The following RGS6 variants were observed in gnomAD, a reference collection of about 807,000 sequenced individuals.
The protein encoded by RGS6 is regulator of G protein signaling 6.
Under a neutral mutation model 78.5 loss-of-function variants are expected in RGS6, and 30 were observed. That is an observed-to-expected ratio of 0.38 (90% CI 0.29 to 0.52). RGS6 has a LOEUF of 0.52. Among genes scored for constraint, RGS6 ranks in the 20% least tolerant of loss-of-function variants. RGS6 has a pLI of 0.85. For synonymous variants in RGS6, 206 were observed against 206.0 expected (o/e 1.00, Z 0.00); for missense variants, 495 against 609.7 (o/e 0.81, Z 1.98).
chr14:72,082,127 A>G (rs1377930845), intron 2 of RGS6, among the ~76,000 whole-genome samples: 1 of 152,002 alleles, frequency 6.6e-6, no homozygotes. Flanking sequence ...TCTAGGGGCT[A>G]TTTGGGGTCT....
At chr14:72,037,657 T>C (rs2091905902) in intron 2 of RGS6, among the ~76,000 whole-genome samples, 1 of 152,054 alleles carries the variant, frequency 6.6e-6, no homozygotes, top group Admixed American at 6.6e-5. Context: ...CTTTCTCTGA[T>C]GAATTGCCTC....
At chr14:72,622,764 A>G in the RGS6 span, among the ~76,000 whole-genome samples, 47,597 of 151,876 alleles carry the variant, frequency 0.31, 8,714 homozygotes, top group East Asian at 0.68. Context: ...CTATTACTAC[A>G]GTTCCAGCAG....
intron 2 of RGS6, among the ~76,000 whole-genome samples, chr14:72,269,955 C>T (rs1003716608): frequency 2.6e-5 from 4 of 152,254 alleles, no homozygotes; most frequent in African/African-American, 7.2e-5. Context: ...TTAAAAATAG[C>T]ATATATGTCC....
intron 2 of RGS6, among the ~76,000 whole-genome samples, chr14:72,136,725 T>G (rs1335136357): frequency 1.3e-5 from 2 of 152,146 alleles, no homozygotes; most frequent in Non-Finnish European, 2.9e-5. Context: ...TATCAAAACT[T>G]AATCAAAAAT....
Position 72,279,512 on chromosome 14 carries a change from A to T in RGS6, c.85-72583A>T, listed in dbSNP as rs80352116. On this transcript the variant is annotated intron_variant, in intron 2 of 17. Coordinates refer to ENST00000553525, the MANE Select transcript of RGS6 (RefSeq NM_001204424.2). Reference sequence around the variant, plus strand: ...TGGCCTACTCTGCTCAGAAATATATAAGGCAGGAGATTCTGAGAAATCTAG... The same window carrying T: ...TGGCCTACTCTGCTCAGAAATATATTAGGCAGGAGATTCTGAGAAATCTAG... 6.8e-3 allele frequency among the ~76,000 whole-genome samples: 1,043 copies of T among 152,274 alleles called. 16 individuals carry two copies. The highest frequency in any genetic ancestry group is 0.024 in the African/African-American group (1,000 of 41,552).
chr14:72,094,875 G>T (rs2153510688), intron 2 of RGS6, among the ~76,000 whole-genome samples: 1 of 152,186 alleles, frequency 6.6e-6, no homozygotes, highest in South Asian at 2.1e-4. Context: ...ATATTCCAAA[G>T]GCAAGACTAT....
At chr14:72,525,883 T>C (rs1177864773) in intron 15 of RGS6, among the ~76,000 whole-genome samples, 1 of 152,168 alleles carries the variant, frequency 6.6e-6, no homozygotes, top group Non-Finnish European at 1.5e-5. Flanking sequence ...GGTTTTATTT[T>C]TGGGAGATGA....
chr14:72,243,950 C>CT (rs1198683863), intron 2 of RGS6, among the ~76,000 whole-genome samples: 1 of 152,172 alleles, frequency 6.6e-6, no homozygotes, highest in Non-Finnish European at 1.5e-5. Context: ...TAGAGCTTTA[C>CT]TTTGAATTCT....
At chr14:72,472,255 C>G (rs537016948) in intron 8 of RGS6, among the ~76,000 whole-genome samples, 1 of 152,150 alleles carries the variant, frequency 6.6e-6, no homozygotes, top group African/African-American at 2.4e-5. Flanking sequence ...TTGTCACCTG[C>G]AATTTCCCTC....
intron 2 of RGS6, among the ~76,000 whole-genome samples, chr14:72,347,928 G>T (rs2078366819): frequency 2.0e-5 from 3 of 152,198 alleles, no homozygotes; most frequent in African/African-American, 4.8e-5. Context: ...GTGGCACTGA[G>T]ACTAAAAGCT....
At chr14:72,412,708 G>A (rs1195013756) in intron 3 of RGS6, among the ~76,000 whole-genome samples, 1 of 152,130 alleles carries the variant, frequency 6.6e-6, no homozygotes, top group Non-Finnish European at 1.5e-5. Flanking sequence ...GGCATTTAGT[G>A]CTATAAATTT....
intron 2 of RGS6, among the ~76,000 whole-genome samples, chr14:72,000,441 G>A (rs907089424): frequency 2.0e-5 from 3 of 152,180 alleles, no homozygotes; most frequent in African/African-American, 4.8e-5. Context: ...GGGCAGAAAC[G>A]GAAATATGGA....
intron 2 of RGS6, among the ~76,000 whole-genome samples, chr14:72,302,151 C>T (rs1446107783): frequency 6.6e-6 from 1 of 152,218 alleles, no homozygotes; most frequent in Non-Finnish European, 1.5e-5. Flanking sequence ...GTGATACTTG[C>T]TCTCCTATGT....
At position 72,454,528 on chromosome 14, in the gene RGS6, G is replaced by T; in HGVS notation, c.185G>T (p.Gly62Val). 3 of 1,614,056 alleles carry T rather than the reference G, an allele frequency of 1.9e-6. No homozygotes were observed. The highest frequency in any genetic ancestry group is 2.5e-6 in the Non-Finnish European group (3 of 1,179,960). Residue 62 changes from glycine to valine, a missense_variant and splice_region_variant, in exon 4 of 18, where the codon GGT becomes GTT. Coordinates refer to ENST00000553525, the MANE Select transcript of RGS6 (RefSeq NM_001204424.2). ...FLSKIPSVVT[G>V]TDIVQWLMKN... is the part of the protein sequence containing the mutation. ...AGCTGAAATTGCTTTATCGTTGCAGGTACTGACATTGTGCAGTGGCTTATG... is the reference window on the plus strand; with the variant it reads ...AGCTGAAATTGCTTTATCGTTGCAGTTACTGACATTGTGCAGTGGCTTATG...
the RGS6 span, among the ~76,000 whole-genome samples, chr14:72,602,643 T>G: frequency 6.6e-6 from 1 of 152,262 alleles, no homozygotes; most frequent in Non-Finnish European, 1.5e-5. Flanking sequence ...TAGAGCCCAG[T>G]GACTTTTGTA....
At chr14:72,264,755 C>T (rs149257142) in intron 2 of RGS6, among the ~76,000 whole-genome samples, 18 of 152,344 alleles carry the variant, frequency 1.2e-4, no homozygotes, top group African/African-American at 4.3e-4. Context: ...TCCTGGGTCT[C>T]TCCCAGGGAC....
chr14:72,203,813 CTTTCTTTCTTTTT>C (rs1189285861), intron 2 of RGS6, among the ~76,000 whole-genome samples: 27 of 120,590 alleles, frequency 2.2e-4, no homozygotes, highest in African/African-American at 8.4e-4. Flanking sequence ...TGTAACCTTT[CTTTCTTTCTTTTT>C]TTTTTTTTTT....
intron 17 of RGS6, chr14:72,540,844 C>T: frequency 2.0e-6 from 2 of 985,356 alleles, no homozygotes; most frequent in Non-Finnish European, 2.4e-6. Context: ...TCATGGTACG[C>T]CCCAGCTAGA....
chr14:72,478,650 T>C (rs952023725), intron 12 of RGS6, among the ~76,000 whole-genome samples: 1 of 152,218 alleles, frequency 6.6e-6, no homozygotes, highest in Non-Finnish European at 1.5e-5. Flanking sequence ...TGGAAATTGC[T>C]CCCCTTTCAG....
Sources: allele counts gnomAD v4.1 joint callset (sites outside exome capture counted in the v4.1 genomes callset), GRCh38; gene constraint gnomAD v4.1.1; transcripts MANE v1.5; gene names NCBI Gene and HGNC (gene_info 2026-07-23, HGNC 2026-07-21).